DOCK5: variants seen among roughly 807,000 people sequenced by gnomAD.
DOCK5 encodes dedicator of cytokinesis protein 5.
Under a neutral mutation model 251.8 loss-of-function variants are expected in DOCK5, and 142 were observed. That is an observed-to-expected ratio of 0.56 (90% confidence interval 0.49 to 0.65). DOCK5 has a LOEUF of 0.65. Among genes scored for constraint, DOCK5 ranks in the 30% least tolerant of loss-of-function variants. The pLI, the probability that DOCK5 is intolerant of heterozygous loss-of-function variation, is 0.00. For missense variants in DOCK5, 2,111 were observed against 2,312.3 expected (o/e 0.91, Z 1.79); for synonymous variants, 842 against 835.5 (o/e 1.01, Z -0.13).
rs199599647 is a variant in DOCK5 at position 25,381,801 on chromosome 8, C to T, written c.4027-873C>T. 1.6e-4 allele frequency among the ~76,000 whole-genome samples: 24 copies of T among 152,226 alleles called. No homozygotes were observed. The East Asian group carries it at 3.5e-3, about 22-fold the overall frequency. ...TCAGGTCATTGCTCAAAGCTGTCCA[C>T]GTCTGGCTGGCTATTTTGCTTTCTT... On this transcript the variant is annotated intron_variant, in intron 39 of 51. Transcript: ENST00000276440.
rs1805670058 is a variant in DOCK5 at position 25,331,057 on chromosome 8, T to C, written c.1904-1194T>C. ...GAGATTGTGTGATTGCACCACTGCATGAGATTGCACTACTGCACCCCAGCC... is the reference window on the plus strand; with the variant it reads ...GAGATTGTGTGATTGCACCACTGCACGAGATTGCACTACTGCACCCCAGCC... On this transcript the variant is annotated intron_variant, in intron 18 of 51. Transcript: ENST00000276440. 3.3e-5 allele frequency among the ~76,000 whole-genome samples: 5 copies of C among 151,932 alleles called. No individual in the cohort carries two copies. The South Asian group carries it at 1.0e-3, about 32-fold the overall frequency.
chr8:25,402,539 G>A (rs958922928), intron 47 of DOCK5, among the ~76,000 whole-genome samples: 1 of 151,800 alleles, frequency 6.6e-6, no homozygotes, highest in Non-Finnish European at 1.5e-5. Context: ...CTTGTGATCC[G>A]CCTGCCTCGG....
At chr8:25,347,751 A>C (rs923314461) in intron 26 of DOCK5, among the ~76,000 whole-genome samples, 1 of 152,176 alleles carries the variant, frequency 6.6e-6, no homozygotes, top group African/African-American at 2.4e-5. Flanking sequence ...CTCTGCAGCT[A>C]TTTGTCCTTA....
rs140119754 is a variant in DOCK5 at position 25,256,221 on chromosome 8, A to G, written c.127+12464A>G. ...TGTGTGTGTGTGTTTAACTTTTCCAATAGGAATATAGGATTTTAAACAACT... is the reference window on the plus strand; with the variant it reads ...TGTGTGTGTGTGTTTAACTTTTCCAGTAGGAATATAGGATTTTAAACAACT... On this transcript the variant is annotated intron_variant, in intron 2 of 51. Coordinates refer to ENST00000276440, the MANE Select transcript of DOCK5 (RefSeq NM_024940.8). Among the ~76,000 whole-genome samples, 21 of 152,342 alleles carry G rather than the reference A, an allele frequency of 1.4e-4. 1 individual carries two copies. Among genetic ancestry groups the G allele is most frequent in the South Asian group, 8.3e-4 (4 of 4,834 alleles).
intron 5 of DOCK5, among the ~76,000 whole-genome samples, chr8:25,287,127 T>C (rs1323855750): frequency 2.0e-5 from 3 of 152,202 alleles, no homozygotes; most frequent in African/African-American, 7.2e-5. Flanking sequence ...TATTTTTTCT[T>C]GTGACTTTGT....
In DOCK5 at chr8:25,392,878, C is replaced by T; in HGVS notation, c.4523C>T (p.Ser1508Leu). The T allele has an allele frequency of 6.2e-7, 1 of 1,609,968 alleles. No individual in the cohort carries two copies. The highest frequency in any genetic ancestry group is 8.5e-7 in the Non-Finnish European group (1 of 1,177,778). Residue 1508 changes from serine (S) to leucine (L), a missense_variant, in exon 44 of 52, where the codon TCA (serine) becomes TTA (leucine). Ser to Leu is a moderately radical substitution (Grantham distance 145). Around this residue, in one of 3 missense-constraint regions of DOCK5, gnomAD observed 1,717 missense variants for 1,892.4 expected, o/e 0.91. Transcript: ENST00000276440. ...AAGTGGTTTGAAGTCAAACAGATTT[C>T]AACAGTGAGTCATTTGAAATTGGCA... is the stretch of plus-strand genomic sequence containing the variant. ...ILKWFEVKQI[S>L]TEEISPLENA...
In DOCK5 at chr8:25,206,026, A is replaced by T. The variant is rs139849040; in HGVS notation, c.43+21075A>T. Among the ~76,000 whole-genome samples, 712 of 152,258 alleles carry T rather than the reference A, an allele frequency of 4.7e-3. 4 individuals carry two copies. The highest frequency in any genetic ancestry group is 0.017 in the African/African-American group (687 of 41,542). On this transcript the variant is annotated intron_variant, in intron 1 of 51. Coordinates refer to ENST00000276440, the MANE Select transcript of DOCK5 (RefSeq NM_024940.8). Reference sequence around the variant, plus strand: ...ATGAAAAAAGTTGCAAAAAAAGTCCAGTTGGGGTTATTGGAGTTTAGAGAA... The same window carrying T: ...ATGAAAAAAGTTGCAAAAAAAGTCCTGTTGGGGTTATTGGAGTTTAGAGAA...
intron 1 of DOCK5, among the ~76,000 whole-genome samples, chr8:25,220,151 G>T (rs1802346498): frequency 6.6e-6 from 1 of 151,610 alleles, no homozygotes; most frequent in African/African-American, 2.4e-5. Context: ...TTTCTGCCAG[G>T]TTTTGTTTTG....
intron 2 of DOCK5, among the ~76,000 whole-genome samples, chr8:25,254,486 A>G (rs1803359012): frequency 6.6e-6 from 1 of 152,070 alleles, no homozygotes; most frequent in East Asian, 1.9e-4. Context: ...TGTAAAAGAG[A>G]AATTTGAGGG....
chr8:25,331,608 A>G (rs2117216399), intron 18 of DOCK5, among the ~76,000 whole-genome samples: 1 of 152,198 alleles, frequency 6.6e-6, no homozygotes, highest in Non-Finnish European at 1.5e-5. Context: ...TCTGGGGAAA[A>G]CAGTATGATA....
intron 9 of DOCK5, 126 bp downstream of exon 9, chr8:25,300,783 A>G (rs1804741751): frequency 4.2e-6 from 4 of 952,272 alleles, no homozygotes; most frequent in South Asian, 1.8e-5. Context: ...CCTAGCAGGA[A>G]TAACCCACCC....
At chr8:25,390,145 T>C in intron 41 of DOCK5, 61 bp from the exon 42 acceptor site, 1 of 1,426,436 alleles carries the variant, frequency 7.0e-7, no homozygotes, top group South Asian at 1.3e-5. Context: ...GGAACAGGGG[T>C]GTTTGGTGTC....
In DOCK5 at chr8:25,325,484, G is replaced by C; in HGVS notation, c.1840G>C (p.Asp614His). The change falls in exon 18 of 52, where the codon GAT becomes CAT. Residue 614 changes from aspartate to histidine, a missense_variant. Transcript: ENST00000276440. ...CCTGGTCACCTTCACCCCAAGCAAG[G>C]ATAGCACTAAAGACAGCTTTCAGAT... ...KNLVTFTPSK[D>H]STKDSFQIAT... The C allele has an allele frequency of 6.2e-7, 1 of 1,613,814 alleles. No homozygotes were observed. The highest frequency in any genetic ancestry group is 1.1e-5 in the South Asian group (1 of 91,076).
chr8:25,325,637 G>C, intron 18 of DOCK5, 90 bp downstream of exon 18: 2 of 1,473,034 alleles, frequency 1.4e-6, no homozygotes, highest in Non-Finnish European at 1.8e-6. Flanking sequence ...GACTATATGG[G>C]GCTGGGTCTT....
At position 25,411,513 on chromosome 8, in the gene DOCK5, T is replaced by C; in HGVS notation, c.*215T>C. ...ACCTCCCTTCCAGTCCACATGGAATTCCAGAATCAGTCACAGCCTCTGATT... is the reference window on the plus strand; with the variant it reads ...ACCTCCCTTCCAGTCCACATGGAATCCCAGAATCAGTCACAGCCTCTGATT... On this transcript the variant is annotated 3_prime_UTR_variant, in exon 52 of 52. Coordinates refer to ENST00000276440, the MANE Select transcript of DOCK5 (RefSeq NM_024940.8). 1 of 550,886 alleles carries C rather than the reference T, an allele frequency of 1.8e-6. No homozygotes were observed. The highest frequency in any genetic ancestry group is 5.4e-5 in the South Asian group (1 of 18,590). 34.1% of individuals were successfully genotyped at this position (550,886 alleles called of 1,614,324 possible). A position where few individuals can be genotyped will look rare whatever the true frequency, so the allele number is the denominator to read the frequency against.
chr8:25,342,436 A>C lies in DOCK5; in HGVS notation c.2546A>C (p.Asp849Ala). 6.2e-7 allele frequency: 1 copy of C among 1,601,058 alleles called. No homozygotes were observed. The highest frequency in any genetic ancestry group is 2.2e-5 in the East Asian group (1 of 44,508). ...TGCAAATTCATTCAAAGCATTCCTGACAACCAGCTGGTTCGGCAGAAACTT... is the reference window on the plus strand; with the variant it reads ...TGCAAATTCATTCAAAGCATTCCTGCCAACCAGCTGGTTCGGCAGAAACTT... ...LFCKFIQSIP[D>A]NQLVRQKLNC... The change falls in exon 25 of 52, where the codon GAC (aspartate) becomes GCC (alanine). Residue 849 changes from aspartate (D) to alanine (A), a missense_variant. This residue lies in a region of DOCK5 where 1,717 missense variants were observed against 1,892.4 expected (regional missense o/e 0.91). Coordinates refer to ENST00000276440, the MANE Select transcript of DOCK5 (RefSeq NM_024940.8).
Position 25,341,976 on chromosome 8 carries a change from C to T in DOCK5, c.2510+167C>T, listed in dbSNP as rs569545492. On this transcript the variant is annotated intron_variant, in intron 24 of 51. Coordinates refer to ENST00000276440, the MANE Select transcript of DOCK5 (RefSeq NM_024940.8). ...GATGCAAAAGAACATCCAAAACCTG[C>T]CCTGAGAGAGGTTTGCACTTTCTCT... is the stretch of plus-strand genomic sequence containing the variant. Among the ~76,000 whole-genome samples the T allele has an allele frequency of 9.9e-4, 150 of 152,246 alleles. 1 individual carries two copies. Among genetic ancestry groups the T allele is most frequent in the Admixed American group, 8.4e-3 (129 of 15,290 alleles).
At chr8:25,408,989 T>C (rs1801571629) in intron 50 of DOCK5, 49 bp downstream of exon 50, 2 of 1,611,938 alleles carry the variant, frequency 1.2e-6, no homozygotes, top group African/African-American at 1.3e-5. Flanking sequence ...GAATGGAGTA[T>C]GTTTATGCAT....
chr8:25,329,071 T>C (rs1586333385), intron 18 of DOCK5, among the ~76,000 whole-genome samples: 2 of 152,322 alleles, frequency 1.3e-5, no homozygotes, highest in Middle Eastern at 6.8e-3. Flanking sequence ...CAGTGACTTT[T>C]AACCTTTTGA....
Sources: allele counts gnomAD v4.1 joint callset (sites outside exome capture counted in the v4.1 genomes callset), GRCh38; gene constraint gnomAD v4.1.1; regional missense constraint gnomAD v4.1.1; transcripts MANE v1.5; gene names NCBI Gene and HGNC (gene_info 2026-07-23, HGNC 2026-07-21).